The following ZSWIM5 variants were observed in gnomAD, a reference collection of about 807,000 sequenced individuals.
The protein encoded by ZSWIM5 is zinc finger SWIM-type containing 5.
Under a neutral mutation model 119.6 loss-of-function variants are expected in ZSWIM5, and 55 were observed. The observed-to-expected ratio is 0.46, with a 90% CI of 0.37 to 0.58. ZSWIM5 has a LOEUF of 0.58. Among genes scored for constraint, ZSWIM5 ranks in the 20% least tolerant of loss-of-function variants. The pLI is 0.00. For synonymous variants in ZSWIM5, 537 were observed against 606.9 expected, an observed-to-expected ratio of 0.88 and a Z score of 1.69; for missense variants, 1,193 against 1,512.8, an observed-to-expected ratio of 0.79 and a Z score of 3.51.
intron 1 of ZSWIM5, among the ~76,000 whole-genome samples, chr1:45,163,359 A>C (rs1296183963): frequency 6.6e-6 from 1 of 152,200 alleles, no homozygotes; most frequent in Non-Finnish European, 1.5e-5. Flanking sequence ...TAAAACCACA[A>C]AGATGGGCAG....
chr1:45,048,150 C>T lies in ZSWIM5; in HGVS notation c.1432+2924G>A, dbSNP rs542102347. ...CCAGGCTGGAGTGCAGTGGCATGAC[C>T]GTGGCTCATTGAAGCCTTGACCTCC... On this transcript the variant is annotated intron_variant, in intron 5 of 13. Coordinates refer to ENST00000359600, the MANE Select transcript of ZSWIM5 (RefSeq NM_020883.2). Among the ~76,000 whole-genome samples the T allele has an allele frequency of 1.8e-4, 27 of 146,378 alleles. 1 individual carries two copies. The highest frequency in any genetic ancestry group is 1.4e-3 in the Admixed American group (20 of 14,186).
At chr1:45,092,738 A>C (rs1470775467) in intron 1 of ZSWIM5, among the ~76,000 whole-genome samples, 2 of 152,252 alleles carry the variant, frequency 1.3e-5, no homozygotes, top group African/African-American at 4.8e-5. Flanking sequence ...TATCTAATGC[A>C]GATTATCCTC....
chr1:45,078,088 C>T (rs1286086731), intron 2 of ZSWIM5, among the ~76,000 whole-genome samples: 1 of 152,144 alleles, frequency 6.6e-6, no homozygotes, highest in Non-Finnish European at 1.5e-5. Flanking sequence ...AAAGCAAAGA[C>T]AGGCATAGGA....
intron 1 of ZSWIM5, among the ~76,000 whole-genome samples, chr1:45,106,202 C>CA (rs1645475913): frequency 8.5e-6 from 1 of 117,612 alleles, no homozygotes; most frequent in Non-Finnish European, 1.8e-5. Flanking sequence ...CGGCCGCCCC[C>CA]TCTGGGAGGT....
At chr1:45,022,562 C>G (rs1325213289) in intron 11 of ZSWIM5, among the ~76,000 whole-genome samples, 3 of 152,044 alleles carry the variant, frequency 2.0e-5, no homozygotes, top group African/African-American at 7.2e-5. Context: ...CAAGAGATTC[C>G]CTTTATTCTT....
chr1:45,193,239 T>G (rs1646102189), intron 1 of ZSWIM5, among the ~76,000 whole-genome samples: 1 of 152,220 alleles, frequency 6.6e-6, no homozygotes, highest in South Asian at 2.1e-4. Flanking sequence ...TTTTATCTGC[T>G]GCAAAAGCTG....
intron 2 of ZSWIM5, among the ~76,000 whole-genome samples, chr1:45,081,739 T>C (rs921980611): frequency 6.6e-6 from 1 of 152,076 alleles, no homozygotes; most frequent in Non-Finnish European, 1.5e-5. Context: ...CCACCCCGTC[T>C]GGGAAGTGAG....
chr1:45,150,062 C>T (rs752308641), intron 1 of ZSWIM5, among the ~76,000 whole-genome samples: 62 of 150,990 alleles, frequency 4.1e-4, no homozygotes, highest in Non-Finnish European at 5.9e-4. Flanking sequence ...CCTAGCTACT[C>T]AGGAGGCTAA....
chr1:45,181,521 T>C (rs1646019853), intron 1 of ZSWIM5, among the ~76,000 whole-genome samples: 1 of 144,568 alleles, frequency 6.9e-6, no homozygotes, highest in Admixed American at 6.9e-5. Flanking sequence ...CAGGATATTA[T>C]CCAGAACTTC....
At chr1:45,174,683 T>C (rs1371292842) in intron 1 of ZSWIM5, among the ~76,000 whole-genome samples, 1 of 151,856 alleles carries the variant, frequency 6.6e-6, no homozygotes. Flanking sequence ...GAGTTTGCAG[T>C]GAGCTGAGAT....
intron 1 of ZSWIM5, among the ~76,000 whole-genome samples, chr1:45,157,794 A>G (rs1179337217): frequency 6.6e-6 from 1 of 152,204 alleles, no homozygotes; most frequent in African/African-American, 2.4e-5. Flanking sequence ...CCCAATGACA[A>G]TGTATGTCTG....
intron 5 of ZSWIM5, among the ~76,000 whole-genome samples, chr1:45,048,500 C>T (rs868829815): frequency 3.9e-5 from 6 of 151,962 alleles, no homozygotes; most frequent in African/African-American, 7.2e-5. Context: ...AGGACTCTAA[C>T]GTGGATGAGG....
At position 45,088,224 on chromosome 1, in the gene ZSWIM5, A is replaced by T; in HGVS notation, c.609T>A (p.Ser203Arg). ...CAGTGGCCAGCTCAGTTACTGTGCCACTCAGATGAAAGCCTAAGGAAACAC... is the reference window on the plus strand; with the variant it reads ...CAGTGGCCAGCTCAGTTACTGTGCCTCTCAGATGAAAGCCTAAGGAAACAC... ...ENVLQVGFHL[S>R]GTVTELATAS... is the part of the protein sequence containing the mutation. Residue 203 changes from serine (S) to arginine (R), a missense_variant, in exon 2 of 14, where the codon AGT becomes AGA. Coordinates refer to ENST00000359600, the MANE Select transcript of ZSWIM5 (RefSeq NM_020883.2). The surrounding 1 kb of genome is among the most constrained non-coding windows in gnomAD (Gnocchi z 4.2). 1 of 1,597,674 alleles carries T rather than the reference A, an allele frequency of 6.3e-7. No individual in the cohort carries two copies. The highest frequency in any genetic ancestry group is 8.5e-7 in the Non-Finnish European group (1 of 1,170,482).
At chr1:45,116,030 A>G (rs1271889342) in intron 1 of ZSWIM5, among the ~76,000 whole-genome samples, 2 of 147,916 alleles carry the variant, frequency 1.4e-5, no homozygotes, top group Non-Finnish European at 3.0e-5. Context: ...TCAGGCAGGG[A>G]GGTTGCAGTG....
At chr1:45,184,111 T>C (rs1437931141) in intron 1 of ZSWIM5, among the ~76,000 whole-genome samples, 2 of 152,160 alleles carry the variant, frequency 1.3e-5, no homozygotes, top group African/African-American at 2.4e-5. Context: ...AATCAATAAA[T>C]GTAATCCAGC....
intron 2 of ZSWIM5, among the ~76,000 whole-genome samples, chr1:45,067,901 G>T (rs1251808618): frequency 5.9e-5 from 9 of 152,058 alleles, no homozygotes; most frequent in Admixed American, 5.9e-4. Flanking sequence ...TAACATTATA[G>T]TCTGAATTTT....
chr1:45,173,670 G>T (rs1157731171), intron 1 of ZSWIM5, among the ~76,000 whole-genome samples: 1 of 151,496 alleles, frequency 6.6e-6, no homozygotes, highest in Non-Finnish European at 1.5e-5. Context: ...TGTAAAATTG[G>T]GATAATAATA....
intron 1 of ZSWIM5, among the ~76,000 whole-genome samples, chr1:45,145,812 A>T (rs907454340): frequency 5.3e-5 from 8 of 152,148 alleles, no homozygotes; most frequent in African/African-American, 1.7e-4. Flanking sequence ...TGATATTTTT[A>T]AAAATACTAT....
intron 1 of ZSWIM5, among the ~76,000 whole-genome samples, chr1:45,129,510 G>A (rs1645642288): frequency 6.6e-6 from 1 of 151,770 alleles, no homozygotes; most frequent in South Asian, 2.1e-4. Context: ...TCTTTTTTTG[G>A]TGGGGAGAAG....
Sources: gnomAD v4.1 joint callset for allele counts (sites outside exome capture counted in the v4.1 genomes callset) on GRCh38, gnomAD v4.1.1 for gene constraint, Gnocchi (gnomAD v3.1) non-coding constraint, MANE v1.5 for transcripts, NCBI Gene and HGNC (gene_info 2026-07-23, HGNC 2026-07-21) for gene names.